Variants in UNC13C observed in about 807,000 individuals in gnomAD.
The protein encoded by UNC13C is unc-13 homolog C.
A neutral mutation model predicts 245.4 loss-of-function variants in UNC13C; 174 were observed. The ratio of observed to expected loss-of-function variants is 0.71; its 90% CI spans 0.63 to 0.80. The LOEUF is 0.80. UNC13C is among the 30% of genes least tolerant of loss of function. UNC13C has a pLI of 0.00. For synonymous variants in UNC13C, 992 were observed against 895.1 expected (o/e 1.11, Z -1.93); for missense variants, 2,829 against 2,602.9 (o/e 1.09, Z -1.89).
In UNC13C at chr15:54,532,999, A is replaced by G; in HGVS notation, c.5629A>G (p.Asn1877Asp). ...QMRANGNTTS[N>D]KNSAAMDAEI... ...GAGAGCAAATGGAAACACCACATCT[A>G]ATAAGAACAGTGCAGCAATGGATGC... is the stretch of plus-strand genomic sequence containing the variant. The change falls in exon 26 of 33, where the codon AAT (asparagine) becomes GAT (aspartate). Residue 1877 changes from asparagine (N) to aspartate (D), a missense_variant. Coordinates refer to ENST00000260323, the MANE Select transcript of UNC13C (RefSeq NM_001080534.3). 6.2e-7 allele frequency: 1 copy of G among 1,601,042 alleles called. No individual in the cohort carries two copies. Among genetic ancestry groups the G allele is most frequent in the Non-Finnish European group, 8.5e-7 (1 of 1,172,704 alleles).
chr15:54,171,402 T>C (rs1474221331), intron 4 of UNC13C, among the ~76,000 whole-genome samples: 2 of 151,636 alleles, frequency 1.3e-5, no homozygotes, highest in Non-Finnish European at 2.9e-5. Flanking sequence ...AACAACACTA[T>C]AGGAAACAAT....
At chr15:54,300,614 A>G (rs1244508821) in intron 13 of UNC13C, among the ~76,000 whole-genome samples, 1 of 152,160 alleles carries the variant, frequency 6.6e-6, no homozygotes, top group Non-Finnish European at 1.5e-5. Flanking sequence ...GACAAATAGT[A>G]TCAACAGCAC....
intron 30 of UNC13C, among the ~76,000 whole-genome samples, chr15:54,614,707 A>G (rs1487992514): frequency 6.6e-6 from 1 of 152,014 alleles, no homozygotes; most frequent in Admixed American, 6.6e-5. Flanking sequence ...GGAAAAATAC[A>G]GGGCTGCCAG....
intron 4 of UNC13C, among the ~76,000 whole-genome samples, chr15:54,179,895 G>A (rs907620853): frequency 3.3e-5 from 5 of 151,818 alleles, no homozygotes; most frequent in Non-Finnish European, 5.9e-5. Context: ...TAAAAGCAAT[G>A]GTATGTTCTT....
intron 13 of UNC13C, among the ~76,000 whole-genome samples, chr15:54,315,026 A>G (rs2037974473): frequency 6.6e-6 from 1 of 151,592 alleles, no homozygotes; most frequent in African/African-American, 2.4e-5. Context: ...TTTCACTTCT[A>G]CACTTTCTAA....
intron 19 of UNC13C, among the ~76,000 whole-genome samples, chr15:54,457,838 A>G (rs914461877): frequency 2.3e-5 from 3 of 132,562 alleles, no homozygotes; most frequent in Middle Eastern, 3.7e-3. Flanking sequence ...TTTCTGTTTC[A>G]TTTATCTTTT....
intron 7 of UNC13C, among the ~76,000 whole-genome samples, chr15:54,242,875 G>A (rs1023070053): frequency 5.3e-5 from 8 of 152,124 alleles, no homozygotes; most frequent in Non-Finnish European, 1.2e-4. Context: ...GACTGACTTT[G>A]ATTGGTTACA....
rs190123236 is a variant in UNC13C, at chr15:54,160,740, G to A, written c.3071+17056G>A. 9.9e-5 allele frequency among the ~76,000 whole-genome samples: 15 copies of A among 152,174 alleles called. No homozygotes were observed. In the East Asian group the frequency reaches 2.7e-3, roughly 27 times the overall value. On this transcript the variant is annotated intron_variant, in intron 4 of 32. Coordinates refer to ENST00000260323, the MANE Select transcript of UNC13C (RefSeq NM_001080534.3). ...AGTTGCTATCAGTATTAAATGAATTGACATGTGAACATTTAACACAATTTA... is the reference window on the plus strand; with the variant it reads ...AGTTGCTATCAGTATTAAATGAATTAACATGTGAACATTTAACACAATTTA...
chr15:54,081,582 A>T lies in UNC13C; in HGVS notation c.2984-61436A>T, dbSNP rs186419205. Among the ~76,000 whole-genome samples the T allele has an allele frequency of 3.4e-5, 5 of 148,412 alleles. No homozygotes were observed. The East Asian group carries it at 7.9e-4, about 23-fold the overall frequency. ...TTACTGTTGTTTTAAAGTATGTTTC[A>T]TCAGATACAAGAATAGCAATCCCTG... On this transcript the variant is annotated intron_variant, in intron 2 of 32. Transcript: ENST00000260323.
intron 19 of UNC13C, among the ~76,000 whole-genome samples, chr15:54,434,300 C>T (rs2040935066): frequency 6.6e-6 from 1 of 151,894 alleles, no homozygotes; most frequent in Admixed American, 6.6e-5. Context: ...AGCAAAAAAA[C>T]AAAGCTAGAG....
At chr15:54,439,066 T>C (rs558302040) in intron 19 of UNC13C, among the ~76,000 whole-genome samples, 55 of 152,088 alleles carry the variant, frequency 3.6e-4, no homozygotes, top group African/African-American at 1.3e-3. Flanking sequence ...CAACATTATC[T>C]TCCCATAGAA....
At chr15:54,034,069 T>C (rs778981480) in intron 2 of UNC13C, among the ~76,000 whole-genome samples, 1 of 152,230 alleles carries the variant, frequency 6.6e-6, no homozygotes, top group Non-Finnish European at 1.5e-5. Context: ...TGTTCCAGAA[T>C]GGACTTCCCT....
chr15:54,271,022 T>C (rs1310784849), intron 10 of UNC13C, among the ~76,000 whole-genome samples: 1 of 152,216 alleles, frequency 6.6e-6, no homozygotes. Flanking sequence ...AATTGCACTT[T>C]AATGCCCTCT....
At chr15:54,280,593 TCTCTCTTG>T (rs1490906895) in intron 10 of UNC13C, among the ~76,000 whole-genome samples, 1 of 149,864 alleles carries the variant, frequency 6.7e-6, no homozygotes, top group African/African-American at 2.4e-5. Context: ...TCTCTCTCTC[TCTCTCTTG>T]CTCTCTCTCC....
chr15:54,607,585 T>A (rs1311945311), intron 30 of UNC13C, among the ~76,000 whole-genome samples: 2 of 152,160 alleles, frequency 1.3e-5, no homozygotes, highest in Non-Finnish European at 2.9e-5. Context: ...TATAAAGAAC[T>A]ACCTGAGACC....
intron 24 of UNC13C, among the ~76,000 whole-genome samples, chr15:54,515,573 A>G (rs1309628713): frequency 6.6e-6 from 1 of 152,226 alleles, no homozygotes; most frequent in Non-Finnish European, 1.5e-5. Flanking sequence ...TCAGGAAGTT[A>G]TAAGATATGC....
the UNC13C span, among the ~76,000 whole-genome samples, chr15:53,896,567 T>C: frequency 1.3e-5 from 2 of 152,130 alleles, no homozygotes; most frequent in Non-Finnish European, 2.9e-5. Flanking sequence ...ATATATGTTT[T>C]TCACCCCTAA....
At chr15:54,552,634 A>C (rs1251317253) in intron 28 of UNC13C, among the ~76,000 whole-genome samples, 1 of 73,848 alleles carries the variant, frequency 1.4e-5, no homozygotes. Flanking sequence ...TATATTGTAC[A>C]ATATAATATA....
intron 2 of UNC13C, among the ~76,000 whole-genome samples, chr15:54,018,293 TC>T: frequency 6.6e-6 from 1 of 152,206 alleles, no homozygotes. Context: ...AGCAGTGCTG[TC>T]TTTTCTCCAT....
Sources: allele counts gnomAD v4.1 joint callset (sites outside exome capture counted in the v4.1 genomes callset), GRCh38; gene constraint gnomAD v4.1.1; transcripts MANE v1.5; gene names NCBI Gene and HGNC (gene_info 2026-07-23, HGNC 2026-07-21).